Variants in ZNF423 observed in about 807,000 individuals in gnomAD.
ZNF423 encodes zinc finger protein 423, also known as Ebf-associated zinc finger protein.
Under a neutral mutation model 95.8 loss-of-function variants are expected in ZNF423, and 12 were observed. The ratio of observed to expected loss-of-function variants is 0.13; its 90% CI spans 0.08 to 0.20. The LOEUF is 0.20. Ranked by LOEUF, ZNF423 falls within the 10% of genes least tolerant of loss-of-function variation. The pLI is 1.00. For synonymous variants in ZNF423, 749 were observed against 711.9 expected (o/e 1.05, Z -0.83); for missense variants, 1,316 against 1,737.1 (o/e 0.76, Z 4.31).
intron 5 of ZNF423, among the ~76,000 whole-genome samples, chr16:49,573,714 T>G (rs1387709894): frequency 6.6e-6 from 1 of 152,108 alleles, no homozygotes; most frequent in Non-Finnish European, 1.5e-5. Flanking sequence ...CACATGAAAT[T>G]TGGGGGACAC....
intron 2 of ZNF423, among the ~76,000 whole-genome samples, chr16:49,752,456 T>C (rs1469613562): frequency 6.6e-6 from 1 of 152,126 alleles, no homozygotes; most frequent in East Asian, 1.9e-4. Flanking sequence ...TTTCTGACCA[T>C]AGCAACATCA....
rs201588114 is a variant in ZNF423, at chr16:49,637,774, C to T, written c.1402G>A (p.Val468Ile). The T allele has an allele frequency of 5.5e-4, 882 of 1,614,092 alleles. No homozygotes were observed. The highest frequency in any genetic ancestry group is 6.6e-4 in the Non-Finnish European group (782 of 1,180,034). Residue 468 changes from valine (V) to isoleucine (I), a missense_variant, in exon 4 of 8, where the codon GTT becomes ATT. Val to Ile is a conservative substitution (Grantham distance 29). Transcript: ENST00000563137. This position sits in a 1 kb window ranked among gnomAD's most constrained non-coding sequence, Gnocchi z 5.6. ...GCATGGTTCTTGTGCAGCTTGCGAA[C>T]GTGCTCGTTGAGGTTGTAGAGGGTG... is the stretch of plus-strand genomic sequence containing the variant. ...MPTLYNLNEHVRKLHKNHAYP... is the reference protein window; with the variant it reads ...MPTLYNLNEHIRKLHKNHAYP...
chr16:49,639,814 G>A (rs768828172), intron 3 of ZNF423, among the ~76,000 whole-genome samples: 2 of 152,144 alleles, frequency 1.3e-5, no homozygotes, highest in Admixed American at 6.5e-5. Flanking sequence ...AACCCCCCTC[G>A]TTTGCTGGCC....
upstream of ZNF423, among the ~76,000 whole-genome samples, chr16:49,857,413 C>T (rs180860398): frequency 2.8e-3 from 430 of 152,000 alleles, 3 homozygotes; most frequent in African/African-American, 9.8e-3. The surrounding 1 kb of genome is among the most constrained non-coding windows in gnomAD (Gnocchi z 6.2). Context: ...GGAGGGAACA[C>T]ACTTAGGGCC....
At chr16:49,602,777 A>C (rs944859990) in intron 5 of ZNF423, among the ~76,000 whole-genome samples, 1 of 152,134 alleles carries the variant, frequency 6.6e-6, no homozygotes, top group Admixed American at 6.5e-5. Context: ...CTCCCAGGGA[A>C]GGGCTCCGCA....
At chr16:49,516,149 C>G (rs1162847215) in intron 7 of ZNF423, among the ~76,000 whole-genome samples, 2 of 152,330 alleles carry the variant, frequency 1.3e-5, no homozygotes, top group East Asian at 3.9e-4. Context: ...CCCCGGCCCT[C>G]TGGCCTCCAT....
At chr16:49,786,241 G>A (rs567206853) in intron 2 of ZNF423, among the ~76,000 whole-genome samples, 12 of 152,330 alleles carry the variant, frequency 7.9e-5, no homozygotes, top group South Asian at 2.1e-4. Flanking sequence ...CAGGGCCCCC[G>A]CTCGAGGGCA....
chr16:49,683,816 G>T (rs537792219), intron 3 of ZNF423, among the ~76,000 whole-genome samples: 1 of 152,182 alleles, frequency 6.6e-6, no homozygotes, highest in Non-Finnish European at 1.5e-5. Flanking sequence ...GATGGTGTGC[G>T]CCTGTAATCC....
At chr16:49,599,589 C>A (rs1401582372) in intron 5 of ZNF423, among the ~76,000 whole-genome samples, 1 of 152,118 alleles carries the variant, frequency 6.6e-6, no homozygotes, top group Non-Finnish European at 1.5e-5. Context: ...GAATAACAGC[C>A]CAAATCCAGG....
intron 3 of ZNF423, among the ~76,000 whole-genome samples, chr16:49,698,734 C>T (rs553937426): frequency 1.2e-4 from 18 of 152,350 alleles, no homozygotes; most frequent in Non-Finnish European, 1.9e-4. Context: ...GAGTTCATTA[C>T]CAGCCAGGGT....
chr16:49,739,221 A>G (rs1410478710), intron 2 of ZNF423, among the ~76,000 whole-genome samples: 1 of 152,202 alleles, frequency 6.6e-6, no homozygotes, highest in Admixed American at 6.5e-5. Context: ...CTTGGCTCAT[A>G]GTACAGCTTG....
At chr16:49,809,832 G>A (rs2034723618) in intron 1 of ZNF423, among the ~76,000 whole-genome samples, 1 of 152,198 alleles carries the variant, frequency 6.6e-6, no homozygotes, top group Admixed American at 6.5e-5. Flanking sequence ...TGGGGCTGGA[G>A]GGTCCACCCG....
chr16:49,769,953 C>T (rs1185084902), intron 2 of ZNF423, among the ~76,000 whole-genome samples: 1 of 152,110 alleles, frequency 6.6e-6, no homozygotes, highest in African/African-American at 2.4e-5. Context: ...ACCACCCCAA[C>T]ACAGCCGGCC....
Position 49,501,950 on chromosome 16 carries a change from G to A in ZNF423, c.3850-10646C>T, listed in dbSNP as rs150048563. Among the ~76,000 whole-genome samples the A allele has an allele frequency of 3.9e-5, 6 of 152,292 alleles. No homozygotes were observed. The East Asian group carries it at 1.2e-3, about 29-fold the overall frequency. ...GTACTATGTTCATGACCTGGGTGAT[G>A]CATTCAGTCATACCCCAAACCTCAG... On this transcript the variant is annotated intron_variant, in intron 7 of 7. Transcript: ENST00000563137.
At chr16:49,649,297 T>C (rs1450279186) in intron 3 of ZNF423, among the ~76,000 whole-genome samples, 1 of 152,156 alleles carries the variant, frequency 6.6e-6, no homozygotes, top group African/African-American at 2.4e-5. Flanking sequence ...CCCCTCTTTG[T>C]GCTTTCATTT....
chr16:49,699,595 A>T (rs2032099889), intron 3 of ZNF423, among the ~76,000 whole-genome samples: 1 of 152,132 alleles, frequency 6.6e-6, no homozygotes, highest in Admixed American at 6.5e-5. Flanking sequence ...AAAGAATCTA[A>T]GTTTGTCATG....
At chr16:49,739,570 C>T (rs558697079) in intron 2 of ZNF423, among the ~76,000 whole-genome samples, 10 of 152,302 alleles carry the variant, frequency 6.6e-5, no homozygotes, top group African/African-American at 2.4e-4. Context: ...AGCTTACAAC[C>T]CACAAGCCCA....
chr16:49,777,261 G>A (rs953945322), intron 2 of ZNF423, among the ~76,000 whole-genome samples: 8 of 152,238 alleles, frequency 5.3e-5, no homozygotes, highest in African/African-American at 1.9e-4. Context: ...GTGCACATAC[G>A]TGTGTGTTTA....
chr16:49,660,218 T>C (rs1364227460), intron 3 of ZNF423, among the ~76,000 whole-genome samples: 2 of 151,968 alleles, frequency 1.3e-5, no homozygotes. Flanking sequence ...ACTGAATGAA[T>C]GAATGGATGA....
Sources: gnomAD v4.1 joint callset for allele counts (sites outside exome capture counted in the v4.1 genomes callset) on GRCh38, gnomAD v4.1.1 for gene constraint, Gnocchi (gnomAD v3.1) non-coding constraint, MANE v1.5 for transcripts, NCBI Gene and HGNC (gene_info 2026-07-23, HGNC 2026-07-21) for gene names.